The following FRMD3 variants were observed in gnomAD, a reference collection of about 807,000 sequenced individuals.
The protein encoded by FRMD3 is FERM domain-containing protein 3.
A neutral mutation model predicts 70.2 loss-of-function variants in FRMD3; 33 were observed. The ratio of observed to expected loss-of-function variants is 0.47; its 90% CI spans 0.36 to 0.63. The LOEUF (loss-of-function observed/expected upper bound fraction) is 0.63, where lower values mean the gene tolerates loss of function less well. Among genes scored for constraint, FRMD3 ranks in the 20% least tolerant of loss-of-function variants. The pLI, the probability that FRMD3 is intolerant of heterozygous loss-of-function variation, is 0.00. For missense variants in FRMD3, 632 were observed against 711.4 expected, an observed-to-expected ratio of 0.89 and a Z score of 1.27; for synonymous variants, 279 against 255.9, an observed-to-expected ratio of 1.09 and a Z score of -0.86.
chr9:83,337,466 G>C (rs1233014439), intron 5 of FRMD3, among the ~76,000 whole-genome samples: 2 of 152,176 alleles, frequency 1.3e-5, no homozygotes, highest in Admixed American at 1.3e-4. Flanking sequence ...CCACAGCATG[G>C]AGGGGCAAAG....
intron 3 of FRMD3, among the ~76,000 whole-genome samples, chr9:83,369,416 A>G (rs913852864): frequency 6.6e-6 from 1 of 152,048 alleles, no homozygotes; most frequent in South Asian, 2.1e-4. Flanking sequence ...TCTCTACTAA[A>G]AATACAAAAA....
At chr9:83,502,372 G>A (rs1829088327) in intron 1 of FRMD3, among the ~76,000 whole-genome samples, 1 of 152,168 alleles carries the variant, frequency 6.6e-6, no homozygotes, top group African/African-American at 2.4e-5. Context: ...TAAAGCTAAA[G>A]TTTAGTTTGT....
At chr9:83,376,344 T>C (rs1036076279) in intron 2 of FRMD3, among the ~76,000 whole-genome samples, 1 of 152,130 alleles carries the variant, frequency 6.6e-6, no homozygotes, top group Admixed American at 6.5e-5. Context: ...AATGGGTAAA[T>C]AGACTGTGAT....
the FRMD3 span, among the ~76,000 whole-genome samples, chr9:83,551,531 A>C: frequency 2.0e-5 from 3 of 152,034 alleles, no homozygotes; most frequent in Non-Finnish European, 4.4e-5. Flanking sequence ...AATTTTTTGG[A>C]ATAGTTTCTG....
At chr9:83,319,854 A>G (rs1440462036) in intron 6 of FRMD3, among the ~76,000 whole-genome samples, 1 of 152,222 alleles carries the variant, frequency 6.6e-6, no homozygotes, top group Admixed American at 6.5e-5. Context: ...GCCTTCCACC[A>G]TAATTGTGAG....
intron 1 of FRMD3, among the ~76,000 whole-genome samples, chr9:83,428,565 A>G (rs1046866753): frequency 6.6e-6 from 1 of 151,752 alleles, no homozygotes; most frequent in African/African-American, 2.4e-5. Flanking sequence ...GATGTATTTT[A>G]TAAATATTTA....
At position 83,248,271 on chromosome 9, in the gene FRMD3, C is replaced by A; in HGVS notation, c.1441G>T (p.Asp481Tyr). ...SRLELEREDT[D>Y]SFEDLEADEN... is the part of the protein sequence containing the mutation. ...TCTGCTTCCAGATCCTCAAATGAAT[C>A]TGTGTCTTCTCTTTCCAACTCAAGC... The change falls in exon 14 of 14, where the codon GAT becomes TAT. Residue 481 changes from aspartate (D) to tyrosine (Y), a missense_variant. Asp to Tyr is a radical substitution (Grantham distance 160). Coordinates refer to ENST00000304195, the MANE Select transcript of FRMD3 (RefSeq NM_174938.6). The A allele has an allele frequency of 1.2e-6, 2 of 1,614,210 alleles. No individual in the cohort carries two copies. Among genetic ancestry groups the A allele is most frequent in the Non-Finnish European group, 1.7e-6 (2 of 1,180,044 alleles).
intron 7 of FRMD3, 52 bp from the exon 8 acceptor site, chr9:83,312,027 AAAAT>A (rs769067988): frequency 3.8e-6 from 5 of 1,328,528 alleles, no homozygotes; most frequent in Admixed American, 4.4e-5. Context: ...TGAGAAAAAT[AAAAT>A]AAATGATAAC....
chr9:83,390,134 A>G (rs1387709069), intron 1 of FRMD3, among the ~76,000 whole-genome samples: 2 of 152,190 alleles, frequency 1.3e-5, no homozygotes, highest in South Asian at 2.1e-4. Context: ...AGTTCTCACA[A>G]TGATCCTACC....
chr9:83,555,740 C>T, the FRMD3 span, among the ~76,000 whole-genome samples: 1 of 152,172 alleles, frequency 6.6e-6, no homozygotes, highest in African/African-American at 2.4e-5. Flanking sequence ...CAGGAAAGCC[C>T]AAGTATCTAA....
chr9:83,430,420 G>A (rs1162142141), intron 1 of FRMD3, among the ~76,000 whole-genome samples: 1 of 152,208 alleles, frequency 6.6e-6, no homozygotes, highest in Admixed American at 6.5e-5. Context: ...ATAAGTACAT[G>A]TAAATGTATA....
Position 83,299,164 on chromosome 9 carries a change from TG to T in FRMD3, c.948del (p.Lys317ArgfsTer53). ...AATATCTTGCTGCTTGATACAGTCT[TG>T]ATCTGACTGGATTTTGCATACCTTT... Reference protein sequence around the residue: ...AFYKYAKSSQIKTVSSSKIFF... With the variant: ...AFYKYAKSSQXKTVSSSKIFF... On this transcript the variant is annotated frameshift_variant, in exon 11 of 14. Coordinates refer to ENST00000304195, the MANE Select transcript of FRMD3 (RefSeq NM_174938.6). LOFTEE classifies it high-confidence loss of function. 1.2e-6 allele frequency: 2 copies of T among 1,612,114 alleles called. No individual in the cohort carries two copies. The highest frequency in any genetic ancestry group is 1.7e-6 in the Non-Finnish European group (2 of 1,179,168).
At chr9:83,417,945 T>C (rs2131352061) in intron 1 of FRMD3, among the ~76,000 whole-genome samples, 1 of 152,310 alleles carries the variant, frequency 6.6e-6, no homozygotes, top group Admixed American at 6.5e-5. Flanking sequence ...TGGTGACCAC[T>C]GCTTCCTAGA....
At chr9:83,298,851 T>A in intron 11 of FRMD3, 35 bp from the exon 12 acceptor site, 1 of 1,593,830 alleles carries the variant, frequency 6.3e-7, no homozygotes. Flanking sequence ...TATGCACACA[T>A]AGTCAGAGAA....
intron 10 of FRMD3, among the ~76,000 whole-genome samples, chr9:83,308,690 A>G (rs1390926496): frequency 6.6e-6 from 1 of 152,140 alleles, no homozygotes; most frequent in Non-Finnish European, 1.5e-5. Flanking sequence ...GAAACCTGAG[A>G]GCTTTACAGA....
chr9:83,485,828 T>G (rs1828675875), intron 1 of FRMD3, among the ~76,000 whole-genome samples: 1 of 152,156 alleles, frequency 6.6e-6, no homozygotes, highest in Non-Finnish European at 1.5e-5. Flanking sequence ...ACATGAAGAT[T>G]GCTTATCTGT....
At chr9:83,564,945 G>C in the FRMD3 span, among the ~76,000 whole-genome samples, 1 of 152,166 alleles carries the variant, frequency 6.6e-6, no homozygotes, top group African/African-American at 2.4e-5. Context: ...ACCTCAAAAG[G>C]CAGAGGCAGC....
chr9:83,260,573 C>T (rs1832938156), intron 13 of FRMD3, among the ~76,000 whole-genome samples: 1 of 152,104 alleles, frequency 6.6e-6, no homozygotes, highest in South Asian at 2.1e-4. Flanking sequence ...TTAAAATTCC[C>T]TTTTCACTCT....
intron 2 of FRMD3, among the ~76,000 whole-genome samples, chr9:83,380,624 A>G (rs1283400863): frequency 6.6e-6 from 1 of 152,180 alleles, no homozygotes; most frequent in African/African-American, 2.4e-5. Flanking sequence ...GTGACTAAGA[A>G]GATTGATTTT....
Sources: gnomAD v4.1 joint callset for allele counts (sites outside exome capture counted in the v4.1 genomes callset) on GRCh38, gnomAD v4.1.1 for gene constraint, MANE v1.5 for transcripts, NCBI Gene and HGNC (gene_info 2026-07-23, HGNC 2026-07-21) for gene names.